NAV2: variants seen among roughly 807,000 people sequenced by gnomAD.
NAV2 encodes the protein helicase, APC down-regulated 1.
Under a neutral mutation model 223.2 loss-of-function variants are expected in NAV2, and 54 were observed. The ratio of observed to expected loss-of-function variants is 0.24; its 90% CI spans 0.19 to 0.30. The LOEUF (loss-of-function observed/expected upper bound fraction) is 0.30, where lower values mean the gene tolerates loss of function less well. NAV2 is among the 10% of genes least tolerant of loss of function. The probability of loss-of-function intolerance (pLI) is 1.00; values close to 1 mark genes in which losing one functional copy is unlikely to be tolerated. For missense variants in NAV2, 2,806 were observed against 3,147.5 expected (o/e 0.89, Z 2.60); for synonymous variants, 1,279 against 1,239.3 (o/e 1.03, Z -0.67).
intron 8 of NAV2, among the ~76,000 whole-genome samples, chr11:19,944,487 CCTTTCCCCTTTCCT>C (rs372662109): frequency 1.5e-3 from 215 of 147,422 alleles, no homozygotes; most frequent in African/African-American, 5.3e-3. Context: ...TCTCCTTTCC[CCTTTCCCCTTTCCT>C]CTTTCCCCTT....
At chr11:19,350,148 C>G (rs1853229176), upstream of NAV2, among the ~76,000 whole-genome samples, 1 of 151,524 alleles carries the variant, frequency 6.6e-6, no homozygotes, top group East Asian at 1.9e-4. Context: ...AAAGATAACT[C>G]ATTTCCAGCT....
intron 1 of NAV2, among the ~76,000 whole-genome samples, chr11:19,571,372 A>G (rs2045419176): frequency 6.6e-6 from 1 of 152,230 alleles, no homozygotes; most frequent in Admixed American, 6.5e-5. Context: ...AGTGAAGGCT[A>G]CGCAGCATTA....
intron 1 of NAV2, among the ~76,000 whole-genome samples, chr11:19,495,938 G>A (rs144745907): frequency 4.6e-5 from 7 of 152,208 alleles, no homozygotes; most frequent in African/African-American, 1.2e-4. Context: ...CAGAGGATGC[G>A]GGAGCAGGTC....
intron 1 of NAV2, among the ~76,000 whole-genome samples, chr11:19,676,912 G>A (rs1048694257): frequency 4.6e-5 from 7 of 152,180 alleles, no homozygotes; most frequent in East Asian, 3.9e-4. Flanking sequence ...TCCTTAGATC[G>A]TTAAGACATT....
chr11:19,428,404 G>A (rs868776412), intron 1 of NAV2, among the ~76,000 whole-genome samples: 2 of 152,142 alleles, frequency 1.3e-5, no homozygotes, highest in Non-Finnish European at 2.9e-5. Flanking sequence ...TTAATGTGGG[G>A]CCTCACTGAG....
intron 1 of NAV2, among the ~76,000 whole-genome samples, chr11:19,801,624 C>G (rs1170030619): frequency 3.9e-5 from 6 of 152,174 alleles, no homozygotes; most frequent in African/African-American, 1.4e-4. Flanking sequence ...AGGCTAACAC[C>G]ATTGGGGACT....
intron 1 of NAV2, among the ~76,000 whole-genome samples, chr11:19,472,564 T>C (rs924115182): frequency 1.3e-4 from 20 of 152,130 alleles, no homozygotes; most frequent in Admixed American, 1.3e-3. Flanking sequence ...CTGGGCAAAT[T>C]CCTTAATCAC....
intron 1 of NAV2, among the ~76,000 whole-genome samples, chr11:19,489,777 G>A (rs2042563477): frequency 6.6e-6 from 1 of 152,162 alleles, no homozygotes; most frequent in African/African-American, 2.4e-5. Context: ...AAAGATAGAT[G>A]CTTCTCCCCC....
rs187867225 is a variant in NAV2, at chr11:20,117,181, T to C, written c.7165-952T>C. The stretch of plus-strand genomic sequence containing the variant: ...CTTCCTATATGAAATATAAAATACA[T>C]ACACACAATTTACAGTTATAAATAA... On this transcript the variant is annotated intron_variant, in intron 37 of 37. Transcript: ENST00000349880. Among the ~76,000 whole-genome samples the C allele has an allele frequency of 1.8e-3, 270 of 152,136 alleles. 1 individual carries two copies. Among genetic ancestry groups the C allele is most frequent in the Non-Finnish European group, 3.2e-3 (215 of 68,022 alleles).
chr11:19,415,445 G>A (rs1324911965), intron 1 of NAV2, among the ~76,000 whole-genome samples: 2 of 152,164 alleles, frequency 1.3e-5, no homozygotes, highest in Non-Finnish European at 2.9e-5. Context: ...AATTGAGGCA[G>A]TAATTAATAG....
intron 1 of NAV2, among the ~76,000 whole-genome samples, chr11:19,391,472 G>C (rs1274095014): frequency 6.6e-6 from 1 of 152,182 alleles, no homozygotes; most frequent in African/African-American, 2.4e-5. Flanking sequence ...TTTCAAAGGA[G>C]ATCAAGTATT....
At chr11:19,983,481 A>G (rs567371669) in intron 10 of NAV2, among the ~76,000 whole-genome samples, 4 of 152,298 alleles carry the variant, frequency 2.6e-5, no homozygotes, top group Non-Finnish European at 5.9e-5. Context: ...AATGTCTTCC[A>G]CTTATATAGC....
intron 4 of NAV2, among the ~76,000 whole-genome samples, chr11:19,869,772 TA>T (rs2062356211): frequency 6.6e-6 from 1 of 152,178 alleles, no homozygotes; most frequent in Non-Finnish European, 1.5e-5. Flanking sequence ...CACCTTTCCC[TA>T]GTGAGACTGC....
chr11:19,765,419 C>T (rs1293569878), intron 1 of NAV2, among the ~76,000 whole-genome samples: 3 of 150,688 alleles, frequency 2.0e-5, no homozygotes, highest in Non-Finnish European at 4.4e-5. Context: ...CCCTCTCTCC[C>T]TCTCTCCTCC....
chr11:19,643,938 A>G (rs973923372), intron 1 of NAV2, among the ~76,000 whole-genome samples: 6 of 152,206 alleles, frequency 3.9e-5, no homozygotes, highest in Non-Finnish European at 7.3e-5. Flanking sequence ...TATGTGTGTT[A>G]TATTTGAGCA....
intron 1 of NAV2, among the ~76,000 whole-genome samples, chr11:19,513,750 G>A (rs945684581): frequency 6.6e-6 from 1 of 152,216 alleles, no homozygotes; most frequent in Non-Finnish European, 1.5e-5. Context: ...GTTAAAATGA[G>A]GTTATTGGAG....
intron 24 of NAV2, among the ~76,000 whole-genome samples, chr11:20,078,554 G>C (rs1413056966): frequency 6.6e-6 from 1 of 152,248 alleles, no homozygotes; most frequent in South Asian, 2.1e-4. Flanking sequence ...TACTTCCCGG[G>C]TTCAAGTGAT....
chr11:19,644,962 A>G (rs1018474159), intron 1 of NAV2, among the ~76,000 whole-genome samples: 2 of 152,240 alleles, frequency 1.3e-5, no homozygotes, highest in African/African-American at 2.4e-5. Flanking sequence ...TCATAGGCCA[A>G]TGAATTCTTA....
intron 6 of NAV2, among the ~76,000 whole-genome samples, chr11:19,899,409 G>T (rs1390376005): frequency 6.6e-6 from 1 of 152,140 alleles, no homozygotes; most frequent in Non-Finnish European, 1.5e-5. Flanking sequence ...TATTAACCAG[G>T]ATTCTGACAT....
Sources: allele counts gnomAD v4.1 joint callset (sites outside exome capture counted in the v4.1 genomes callset), GRCh38; gene constraint gnomAD v4.1.1; transcripts MANE v1.5; gene names NCBI Gene and HGNC (gene_info 2026-07-23, HGNC 2026-07-21).